PPM1E: variants seen among roughly 807,000 people sequenced by gnomAD.
PPM1E encodes the protein protein phosphatase, Mg2+/Mn2+ dependent 1E, also known as protein phosphatase 1E.
In PPM1E, 20 loss-of-function variants were observed where a neutral mutation model predicts 65.9. The observed-to-expected ratio is 0.30, with a 90% CI of 0.21 to 0.44. The LOEUF is 0.44. Among genes scored for constraint, PPM1E ranks in the 20% least tolerant of loss-of-function variants. The probability of loss-of-function intolerance (pLI) is 1.00; values close to 1 mark genes in which losing one functional copy is unlikely to be tolerated. For missense variants in PPM1E, 713 were observed against 953.1 expected (o/e 0.75, Z 3.32); for synonymous variants, 352 against 374.9 (o/e 0.94, Z 0.70).
chr17:58,930,250 TACACACACACACACAC>T (rs377147999), intron 1 of PPM1E, among the ~76,000 whole-genome samples: 1 of 143,202 alleles, frequency 7.0e-6, no homozygotes, highest in African/African-American at 2.6e-5. Context: ...TAAATGTATA[TACACACACACACACAC>T]ACACACACAC....
rs3809724 is a variant in PPM1E at position 58,983,877 on chromosome 17, G to A, written c.*2846G>A. The A allele has an allele frequency of 0.16, 24,388 of 152,488 alleles. 2,356 individuals are homozygous for A. The highest frequency in any genetic ancestry group is 0.21 in the Non-Finnish European group (14,180 of 67,950). The allele number at this position is 152,488 out of a possible 1,614,324, so 9.4% of individuals were successfully genotyped here. A position where few individuals can be genotyped will look rare whatever the true frequency, so the allele number is the denominator to read the frequency against. ...ATATTGGTTAGGGAAACAAACTTCA[G>A]GTCACCAACTGAAGTCATTACAAAC... On this transcript the variant is annotated 3_prime_UTR_variant, in exon 7 of 7. Transcript: ENST00000308249.
chr17:58,888,359 TCTC>T (rs2051304644), intron 1 of PPM1E, among the ~76,000 whole-genome samples: 1 of 128,508 alleles, frequency 7.8e-6, no homozygotes, highest in Non-Finnish European at 1.6e-5. Context: ...TGGACTCTTC[TCTC>T]TTTTTTTTTT....
chr17:58,961,269 G>C, intron 2 of PPM1E, among the ~76,000 whole-genome samples: 1 of 152,266 alleles, frequency 6.6e-6, no homozygotes, highest in Middle Eastern at 3.4e-3. Flanking sequence ...TTATATAACA[G>C]TTTACATATT....
At chr17:58,759,201 C>T (rs547798179) in intron 1 of PPM1E, among the ~76,000 whole-genome samples, 14 of 151,910 alleles carry the variant, frequency 9.2e-5, no homozygotes, top group East Asian at 7.7e-4. Context: ...CACAGGAGGC[C>T]GAGGCTGCAG....
At chr17:58,851,236 C>T (rs981549365) in intron 1 of PPM1E, among the ~76,000 whole-genome samples, 6 of 152,132 alleles carry the variant, frequency 3.9e-5, no homozygotes, top group Admixed American at 6.6e-5. Context: ...TCCTGTAGCT[C>T]GGAGAAGTTT....
At chr17:58,760,908 GA>G (rs1453838353) in intron 1 of PPM1E, among the ~76,000 whole-genome samples, 1 of 152,330 alleles carries the variant, frequency 6.6e-6, no homozygotes, top group Non-Finnish European at 1.5e-5. Context: ...AAGGAAGAGA[GA>G]TGCCTAGGGT....
intron 1 of PPM1E, among the ~76,000 whole-genome samples, chr17:58,799,905 A>T (rs1264417118): frequency 6.6e-6 from 1 of 152,190 alleles, no homozygotes; most frequent in African/African-American, 2.4e-5. Flanking sequence ...AAATTAGGTA[A>T]TGTAAATTAT....
chr17:58,884,831 GC>G (rs1200499729), intron 1 of PPM1E, among the ~76,000 whole-genome samples: 5 of 152,076 alleles, frequency 3.3e-5, no homozygotes, highest in Non-Finnish European at 7.4e-5. Context: ...AGGACTTAGA[GC>G]AATGCCTTGC....
At chr17:58,808,268 G>C (rs1434290452) in intron 1 of PPM1E, among the ~76,000 whole-genome samples, 1 of 152,122 alleles carries the variant, frequency 6.6e-6, no homozygotes, top group Non-Finnish European at 1.5e-5. Flanking sequence ...ATGTTCTTCA[G>C]GGATGTTTGG....
chr17:58,797,188 T>C (rs2056488004), intron 1 of PPM1E, among the ~76,000 whole-genome samples: 1 of 152,206 alleles, frequency 6.6e-6, no homozygotes, highest in African/African-American at 2.4e-5. Flanking sequence ...TGTTTATTTT[T>C]TTCAAGTTTC....
intron 1 of PPM1E, among the ~76,000 whole-genome samples, chr17:58,826,418 A>G (rs954815717): frequency 6.6e-6 from 1 of 152,186 alleles, no homozygotes; most frequent in Non-Finnish European, 1.5e-5. Context: ...AGATATCTAC[A>G]GCAATAAAGG....
intron 1 of PPM1E, among the ~76,000 whole-genome samples, chr17:58,943,119 T>G (rs1354149505): frequency 6.6e-6 from 1 of 151,906 alleles, no homozygotes; most frequent in Non-Finnish European, 1.5e-5. Flanking sequence ...ATAACAAATC[T>G]GCAGGGGGCG....
intron 1 of PPM1E, among the ~76,000 whole-genome samples, chr17:58,841,695 T>C (rs2050719836): frequency 1.3e-5 from 2 of 151,284 alleles, no homozygotes. Flanking sequence ...CCAGCTAATT[T>C]TTGTGGGTTT....
chr17:58,882,521 G>A (rs1175693693), intron 1 of PPM1E, among the ~76,000 whole-genome samples: 1 of 152,014 alleles, frequency 6.6e-6, no homozygotes, highest in Non-Finnish European at 1.5e-5. Flanking sequence ...CTCTCGAGTA[G>A]CTGGGATTAC....
At chr17:58,812,547 A>G (rs114427164) in intron 1 of PPM1E, among the ~76,000 whole-genome samples, 258 of 152,032 alleles carry the variant, frequency 1.7e-3, no homozygotes, top group African/African-American at 6.0e-3. Context: ...CATGAATAGC[A>G]CACACTGTTT....
chr17:58,822,175 C>G (rs1196916455), intron 1 of PPM1E, among the ~76,000 whole-genome samples: 3 of 151,728 alleles, frequency 2.0e-5, no homozygotes, highest in African/African-American at 7.3e-5. Flanking sequence ...CAAGTAACAA[C>G]AGCAAAAAAA....
chr17:58,919,710 C>A lies in PPM1E; in HGVS notation c.465-35939C>A, dbSNP rs531966302. Reference sequence around the variant, plus strand: ...GCTGAGGCAGGAGAATCACTTGAACCAGGGAGGGGGAGGTTGCAGTGAGCC... The same window carrying A: ...GCTGAGGCAGGAGAATCACTTGAACAAGGGAGGGGGAGGTTGCAGTGAGCC... On this transcript the variant is annotated intron_variant, in intron 1 of 6. Transcript: ENST00000308249. 2.4e-4 allele frequency among the ~76,000 whole-genome samples: 36 copies of A among 151,858 alleles called. No individual in the cohort carries two copies. The South Asian group carries it at 7.5e-3, about 32-fold the overall frequency.
At chr17:58,929,850 C>T (rs963415445) in intron 1 of PPM1E, among the ~76,000 whole-genome samples, 3 of 151,994 alleles carry the variant, frequency 2.0e-5, no homozygotes, top group Non-Finnish European at 4.4e-5. Context: ...AACTGGGTTT[C>T]TTTATGTTAT....
chr17:58,982,388 G>GTGT lies in PPM1E; in HGVS notation c.*1359_*1361dup, dbSNP rs1274207309. Reference sequence around the variant, plus strand: ...TTCTCTAAGAGTCACGAATGTCTTAGTGTTACCCTCCCCTAGTCAACAGCA... The same window carrying GTGT: ...TTCTCTAAGAGTCACGAATGTCTTAGTGTTGTTACCCTCCCCTAGTCAACAGCA... On this transcript the variant is annotated 3_prime_UTR_variant, in exon 7 of 7. Coordinates refer to ENST00000308249, the MANE Select transcript of PPM1E (RefSeq NM_014906.5). 1 of 152,540 alleles carries GTGT rather than the reference G, an allele frequency of 6.6e-6. No homozygotes were observed. The highest frequency in any genetic ancestry group is 2.4e-5 in the African/African-American group (1 of 41,446). 9.4% of individuals were successfully genotyped at this position (152,540 alleles called of 1,614,324 possible).
Sources: allele counts gnomAD v4.1 joint callset (sites outside exome capture counted in the v4.1 genomes callset), GRCh38; gene constraint gnomAD v4.1.1; transcripts MANE v1.5; gene names NCBI Gene and HGNC (gene_info 2026-07-23, HGNC 2026-07-21).